ABI2: variants seen among roughly 807,000 people sequenced by gnomAD.
ABI2 encodes the protein abl interactor 2.
ABI2 carries 25 observed loss-of-function variants against 59.2 expected under a neutral mutation model. That is an observed-to-expected ratio of 0.42 (90% CI 0.31 to 0.59). The LOEUF is 0.59. Among genes scored for constraint, ABI2 ranks in the 20% least tolerant of loss-of-function variants. ABI2 has a pLI of 0.14. For synonymous variants in ABI2, 213 were observed against 235.5 expected (o/e 0.90, Z 0.87); for missense variants, 545 against 681.8 (o/e 0.80, Z 2.23).
intron 11 of ABI2, among the ~76,000 whole-genome samples, chr2:203,423,088 C>A (rs1037076402): frequency 6.6e-6 from 1 of 152,058 alleles, no homozygotes; most frequent in Non-Finnish European, 1.5e-5. Context: ...TTGCTAATAC[C>A]CTACAATATT....
chr2:203,343,691 TG>T (rs1464930509), intron 1 of ABI2, among the ~76,000 whole-genome samples: 2 of 152,168 alleles, frequency 1.3e-5, no homozygotes, highest in Non-Finnish European at 2.9e-5. Context: ...GCTCTCTGAT[TG>T]AGATTGGTTT....
intron 1 of ABI2, among the ~76,000 whole-genome samples, chr2:203,362,837 A>G (rs2093710466): frequency 6.6e-6 from 1 of 150,870 alleles, no homozygotes; most frequent in African/African-American, 2.4e-5. Context: ...TATATTTTAA[A>G]TACTTTTTTG....
intron 10 of ABI2, 92 bp downstream of exon 10, chr2:203,411,463 TACTTCAAC>T: frequency 1.1e-6 from 1 of 951,262 alleles, no homozygotes; most frequent in South Asian, 1.6e-5. Flanking sequence ...CATTTGCTGA[TACTTCAAC>T]ATTTCAATAT....
rs1434918278 is a variant in ABI2, at chr2:203,408,839, T to C, written c.1193-2446T>C. Among the ~76,000 whole-genome samples, 2 of 85,862 alleles carry C rather than the reference T, an allele frequency of 2.3e-5. 1 individual carries two copies. The highest frequency in any genetic ancestry group is 4.4e-4 in the East Asian group (2 of 4,542). 56.3% of individuals were successfully genotyped at this position (85,862 alleles called of 152,430 possible). ...CTATGCTACCTTCTCCTTTCTTTTT[T>C]TTTTTTTTTTGAGACGGAGTCTCGC... is the stretch of plus-strand genomic sequence containing the variant. On this transcript the variant is annotated intron_variant, in intron 9 of 11. Transcript: ENST00000261018.
chr2:203,429,196 C>G lies in ABI2; in HGVS notation c.*1844C>G, dbSNP rs886176302. The G allele has an allele frequency of 6.6e-6, 1 of 152,194 alleles. No homozygotes were observed. The highest frequency in any genetic ancestry group is 1.5e-5 in the Non-Finnish European group (1 of 68,026). 9.4% of individuals were successfully genotyped at this position (152,194 alleles called of 1,614,324 possible). On this transcript the variant is annotated 3_prime_UTR_variant, in exon 12 of 12. Transcript: ENST00000261018. ...CTTTCATTAACTTGCCTCCAGTATA[C>G]ATTCCACTTCGTGCTTTTCTTAGGT...
intron 5 of ABI2, chr2:203,394,471 T>C (rs949511527): frequency 2.0e-6 from 1 of 489,222 alleles, no homozygotes; most frequent in South Asian, 3.1e-5. Flanking sequence ...TGAACAAAAT[T>C]GCATTAGCAC....
intron 1 of ABI2, among the ~76,000 whole-genome samples, chr2:203,350,478 T>A (rs780225054): frequency 3.3e-5 from 5 of 151,950 alleles, no homozygotes; most frequent in Admixed American, 6.6e-5. Flanking sequence ...GTCTCCCTAG[T>A]AGCTAGGACT....
chr2:203,345,070 A>G (rs775878653), intron 1 of ABI2, among the ~76,000 whole-genome samples: 2 of 152,174 alleles, frequency 1.3e-5, no homozygotes, highest in Non-Finnish European at 2.9e-5. Flanking sequence ...GTCCTCTTCC[A>G]TGCTGTGGAA....
chr2:203,384,317 T>TTTG (rs1559289831), intron 4 of ABI2, among the ~76,000 whole-genome samples: 2 of 126,480 alleles, frequency 1.6e-5, no homozygotes, highest in African/African-American at 3.1e-5. Flanking sequence ...TTTTTTTTTT[T>TTTG]TTTTTTTGAG....
chr2:203,338,983 A>AATATATATATATATATAAATATAT (rs2078195556), intron 1 of ABI2, among the ~76,000 whole-genome samples: 11 of 12,322 alleles, frequency 8.9e-4, no homozygotes, highest in African/African-American at 2.9e-3. Flanking sequence ...TATATATATA[A>AATATATATATATATATAAATATAT]ATATATATAT....
intron 9 of ABI2, among the ~76,000 whole-genome samples, chr2:203,408,406 G>A (rs1033995826): frequency 6.6e-6 from 1 of 150,762 alleles, no homozygotes; most frequent in African/African-American, 2.4e-5. Context: ...CAGGTGATGC[G>A]CCCCCCTCGG....
chr2:203,365,966 A>G (rs139413002), intron 1 of ABI2, among the ~76,000 whole-genome samples: 72 of 151,152 alleles, frequency 4.8e-4, no homozygotes, highest in African/African-American at 1.7e-3. Flanking sequence ...CTTTATTTGT[A>G]TTTTTATCTT....
At chr2:203,372,244 G>A (rs189067227) in intron 2 of ABI2, among the ~76,000 whole-genome samples, 2 of 152,256 alleles carry the variant, frequency 1.3e-5, no homozygotes, top group East Asian at 3.9e-4. Context: ...CAGGGTTGGG[G>A]CTAAGGTCAC....
At position 203,426,329 on chromosome 2, in the gene ABI2, T is replaced by C. The variant is rs139946139; in HGVS notation, c.1454-848T>C. Among the ~76,000 whole-genome samples, 303 of 152,240 alleles carry C rather than the reference T, an allele frequency of 2.0e-3. 5 individuals are homozygous for C. In the East Asian group the frequency reaches 0.039, roughly 20 times the overall value. On this transcript the variant is annotated intron_variant, in intron 11 of 11. Coordinates refer to ENST00000261018, the MANE Select transcript of ABI2 (RefSeq NM_001375670.1). ...GCAAAGGATAATTCTTCAAGTGGAA[T>C]TGAGGATGTTACAGGGCATCCCAGT...
intron 10 of ABI2, among the ~76,000 whole-genome samples, chr2:203,412,334 G>GT (rs1420078444): frequency 6.6e-6 from 1 of 152,080 alleles, no homozygotes; most frequent in Non-Finnish European, 1.5e-5. Flanking sequence ...AGGCACTTTT[G>GT]GTCCCTGCTT....
intron 1 of ABI2, among the ~76,000 whole-genome samples, chr2:203,341,456 T>C (rs1392648049): frequency 6.6e-6 from 1 of 152,208 alleles, no homozygotes; most frequent in African/African-American, 2.4e-5. Context: ...GGCTCACTCC[T>C]ATAATCCTAG....
chr2:203,397,438 A>G (rs1037808130), intron 8 of ABI2, among the ~76,000 whole-genome samples: 8 of 152,224 alleles, frequency 5.3e-5, no homozygotes, highest in African/African-American at 1.9e-4. Context: ...ACTCATAGAC[A>G]ATGGACTTTT....
rs1376301578 is a variant in ABI2 at position 203,367,056 on chromosome 2, A to G, written c.285+12A>G. ...ATCATATTTCACAAGTGAGACCACA[A>G]TATTTTCCTATTTGCCTATGAGGAA... On this transcript the variant is annotated intron_variant, in intron 2 of 11. Coordinates refer to ENST00000261018, the MANE Select transcript of ABI2 (RefSeq NM_001375670.1). The G allele has an allele frequency of 1.2e-6, 2 of 1,605,748 alleles. No individual in the cohort carries two copies. Among genetic ancestry groups the G allele is most frequent in the Admixed American group, 1.7e-5 (1 of 59,464 alleles).
chr2:203,353,317 C>G (rs925432427), intron 1 of ABI2, among the ~76,000 whole-genome samples: 1 of 152,138 alleles, frequency 6.6e-6, no homozygotes, highest in Non-Finnish European at 1.5e-5. Context: ...CCACTAGCTA[C>G]CATTCAAGCG....
Sources: gnomAD v4.1 joint callset for allele counts (sites outside exome capture counted in the v4.1 genomes callset) on GRCh38, gnomAD v4.1.1 for gene constraint, MANE v1.5 for transcripts, NCBI Gene and HGNC (gene_info 2026-07-23, HGNC 2026-07-21) for gene names.